Variants in SGCD observed in about 807,000 individuals in gnomAD.
SGCD encodes delta-sarcoglycan.
Under a neutral mutation model 36.6 loss-of-function variants are expected in SGCD, and 18 were observed. The observed-to-expected ratio is 0.49, with a 90% CI of 0.34 to 0.73. The LOEUF (loss-of-function observed/expected upper bound fraction) is 0.73, where lower values mean the gene tolerates loss of function less well. Ranked by LOEUF, SGCD falls within the 30% of genes least tolerant of loss-of-function variation. The pLI, the probability that SGCD is intolerant of heterozygous loss-of-function variation, is 0.01. For synonymous variants in SGCD, 133 were observed against 130.6 expected (o/e 1.02, Z -0.12); for missense variants, 387 against 346.7 (o/e 1.12, Z -0.92).
the SGCD span, among the ~76,000 whole-genome samples, chr5:155,741,687 C>CTTTTTTTTTTTTTTTTTTTTTTT: frequency 7.6e-6 from 1 of 132,292 alleles, no homozygotes; most frequent in Non-Finnish European, 1.6e-5. Context: ...CTTTTCTTTT[C>CTTTTTTTTTTTTTTTTTTTTTTT]TTTTTTTTTT....
intron 7 of SGCD, among the ~76,000 whole-genome samples, chr5:156,678,181 C>T (rs1250914825): frequency 1.3e-5 from 2 of 152,164 alleles, no homozygotes; most frequent in African/African-American, 4.8e-5. Context: ...AGGTTGAGAA[C>T]TGGGTTCTAA....
the SGCD span, among the ~76,000 whole-genome samples, chr5:155,790,329 C>T: frequency 6.6e-6 from 1 of 152,028 alleles, no homozygotes; most frequent in African/African-American, 2.4e-5. Flanking sequence ...CATTCTTACT[C>T]TTCTTGACTG....
At chr5:156,194,875 T>C (rs576740916) in intron 3 of SGCD, among the ~76,000 whole-genome samples, 33 of 152,222 alleles carry the variant, frequency 2.2e-4, no homozygotes, top group Non-Finnish European at 2.9e-4. Flanking sequence ...TATAGGATTA[T>C]GGTGAACAAT....
At position 156,049,274 on chromosome 5, in the gene SGCD, G is replaced by C. The variant is rs1759855281; in HGVS notation, c.-281-68604G>C. Among the ~76,000 whole-genome samples the C allele has an allele frequency of 1.4e-5, 2 of 145,992 alleles. 1 individual carries two copies. The highest frequency in any genetic ancestry group is 3.1e-5 in the Non-Finnish European group (2 of 64,782). ...CAGGTAGTGTGATGCCTCCAGCTTT[G>C]TTCTTTTGGCTTAGGATTGACTTGG... is the stretch of plus-strand genomic sequence containing the variant. On this transcript the variant is annotated intron_variant, in intron 1 of 9. Coordinates refer to the SGCD transcript ENST00000517913.
At chr5:156,210,998 A>G (rs2127640837) in intron 3 of SGCD, among the ~76,000 whole-genome samples, 1 of 152,292 alleles carries the variant, frequency 6.6e-6, no homozygotes, top group East Asian at 1.9e-4. Context: ...ACCAAGACAT[A>G]TTATAATTAA....
chr5:156,466,054 G>A (rs1412621249), intron 3 of SGCD, among the ~76,000 whole-genome samples: 1 of 152,184 alleles, frequency 6.6e-6, no homozygotes, highest in Non-Finnish European at 1.5e-5. Context: ...TTTCTGTGCA[G>A]CCTCCCAAGC....
At chr5:155,746,900 A>G in the SGCD span, among the ~76,000 whole-genome samples, 1 of 152,280 alleles carries the variant, frequency 6.6e-6, no homozygotes, top group Non-Finnish European at 1.5e-5. Flanking sequence ...GGTTAACTGC[A>G]GAGTCAGCAA....
At chr5:156,404,700 G>A (rs1008297669) in intron 3 of SGCD, among the ~76,000 whole-genome samples, 6 of 151,686 alleles carry the variant, frequency 4.0e-5, no homozygotes, top group African/African-American at 1.5e-4. Context: ...TTTACTGATG[G>A]AAAAAATGGG....
At chr5:156,714,580 A>G (rs1208544333) in intron 7 of SGCD, among the ~76,000 whole-genome samples, 1 of 152,254 alleles carries the variant, frequency 6.6e-6, no homozygotes, top group African/African-American at 2.4e-5. Flanking sequence ...AGAGGCTCAC[A>G]GAAACCTAAG....
chr5:156,371,441 G>T (rs189469117), intron 3 of SGCD, among the ~76,000 whole-genome samples: 37 of 152,242 alleles, frequency 2.4e-4, no homozygotes, highest in African/African-American at 8.7e-4. Flanking sequence ...AGAAAAAATT[G>T]TAAGTCTAGT....
chr5:156,469,414 G>T (rs1216707357), intron 3 of SGCD, among the ~76,000 whole-genome samples: 1 of 152,150 alleles, frequency 6.6e-6, no homozygotes, highest in Non-Finnish European at 1.5e-5. Context: ...CCTAAAATTA[G>T]TATACCATAT....
At chr5:156,541,376 A>T (rs1469106021) in intron 4 of SGCD, among the ~76,000 whole-genome samples, 1 of 152,160 alleles carries the variant, frequency 6.6e-6, no homozygotes, top group Admixed American at 6.5e-5. Context: ...GAGTAGGAAC[A>T]AAGAGATCAG....
the SGCD span, among the ~76,000 whole-genome samples, chr5:155,743,231 A>G: frequency 5.3e-3 from 806 of 152,362 alleles, 8 homozygotes; most frequent in African/African-American, 0.017. Flanking sequence ...GACCTCTGGC[A>G]ACCAGCCCCC....
chr5:155,835,257 C>T, the SGCD span, among the ~76,000 whole-genome samples: 1 of 152,056 alleles, frequency 6.6e-6, no homozygotes, highest in South Asian at 2.1e-4. Context: ...ATCCACCCGC[C>T]TCAGCCTCCC....
At chr5:156,567,366 AT>A (rs1759528833) in intron 4 of SGCD, among the ~76,000 whole-genome samples, 2 of 141,746 alleles carry the variant, frequency 1.4e-5, no homozygotes, top group Admixed American at 7.4e-5. Context: ...GGAGGGAGGG[AT>A]GGATAGATAA....
intron 1 of SGCD, among the ~76,000 whole-genome samples, chr5:155,906,530 C>T (rs967400947): frequency 4.6e-5 from 7 of 152,136 alleles, no homozygotes; most frequent in Non-Finnish European, 8.8e-5. Context: ...CTGATGAACA[C>T]ACAAGTGATA....
At chr5:155,889,369 C>T (rs1294399838) in intron 1 of SGCD, among the ~76,000 whole-genome samples, 1 of 151,898 alleles carries the variant, frequency 6.6e-6, no homozygotes, top group Non-Finnish European at 1.5e-5. Flanking sequence ...TACTCTTGTA[C>T]TCTAAGAGCT....
chr5:156,262,857 G>A (rs1765901706), intron 3 of SGCD, among the ~76,000 whole-genome samples: 1 of 151,854 alleles, frequency 6.6e-6, no homozygotes. Context: ...TGCTGTGAAT[G>A]CCATTATTTT....
intron 1 of SGCD, among the ~76,000 whole-genome samples, chr5:156,043,502 G>A (rs755919885): frequency 3.3e-5 from 5 of 152,152 alleles, no homozygotes; most frequent in Non-Finnish European, 7.3e-5. Flanking sequence ...CTCAGCACTG[G>A]GAAAGTGGGG....
Sources: allele counts gnomAD v4.1 joint callset (sites outside exome capture counted in the v4.1 genomes callset), GRCh38; gene constraint gnomAD v4.1.1; transcripts MANE v1.5; gene names NCBI Gene and HGNC (gene_info 2026-07-23, HGNC 2026-07-21).